PAPSS2: variants seen among roughly 807,000 people sequenced by gnomAD.
PAPSS2 encodes 3'-phosphoadenosine 5'-phosphosulfate synthase 2.
In PAPSS2, 61 loss-of-function variants were observed where a neutral mutation model predicts 66.5. That is an observed-to-expected ratio of 0.92 (90% confidence interval 0.75 to 1.14). The LOEUF (loss-of-function observed/expected upper bound fraction) is 1.14. Ranked by LOEUF, PAPSS2 falls within the 50% of genes most tolerant of loss-of-function variation. The pLI, the probability that PAPSS2 is intolerant of heterozygous loss-of-function variation, is 0.00. For missense variants in PAPSS2, 708 were observed against 789.6 expected, an observed-to-expected ratio of 0.90 and a Z score of 1.24; for synonymous variants, 289 against 287.5, an observed-to-expected ratio of 1.01 and a Z score of -0.05.
At chr10:87,725,385 C>A (rs1853646079) in intron 8 of PAPSS2, among the ~76,000 whole-genome samples, 1 of 152,156 alleles carries the variant, frequency 6.6e-6, no homozygotes, top group Non-Finnish European at 1.5e-5. Flanking sequence ...GAAATCAGAA[C>A]ACCCTGTTTA....
At chr10:87,660,058 C>G in intron 1 of PAPSS2, 50 bp downstream of exon 1, 1 of 1,579,692 alleles carries the variant, frequency 6.3e-7, no homozygotes, top group Non-Finnish European at 8.6e-7. Context: ...CTGCACGCGC[C>G]GACCCCCAAC....
chr10:87,675,356 C>T (rs1301538583), intron 1 of PAPSS2, among the ~76,000 whole-genome samples: 11 of 152,096 alleles, frequency 7.2e-5, no homozygotes, highest in African/African-American at 2.4e-5. Context: ...TAAAAAGATT[C>T]GCATATTTGA....
At chr10:87,734,673 A>G (rs1378173803) in intron 9 of PAPSS2, among the ~76,000 whole-genome samples, 18 of 108,562 alleles carry the variant, frequency 1.7e-4, no homozygotes, top group African/African-American at 3.7e-4. Context: ...GTATATATAT[A>G]TATATATATA....
rs1310855417 is a variant in PAPSS2, at chr10:87,709,285, G to T, written c.117G>T (p.Gly39=). The T allele has an allele frequency of 1.2e-6, 2 of 1,611,390 alleles. No homozygotes were observed. The highest frequency in any genetic ancestry group is 2.7e-5 in the African/African-American group (2 of 74,774). Residue 39 remains glycine, a synonymous_variant, in exon 2 of 13, where the codon GGG becomes GGT. Transcript: ENST00000456849. ...KRGQVVGTRG[G]FRGCTVWLTG... The stretch of plus-strand genomic sequence containing the variant: ...GGCAAGTGGTTGGAACAAGGGGTGG[G>T]TTCCGAGGATGTACCGTGTGGCTAA...
At chr10:87,744,956 G>T in intron 11 of PAPSS2, 46 bp from the exon 12 acceptor site, 6 of 1,537,700 alleles carry the variant, frequency 3.9e-6, no homozygotes, top group Non-Finnish European at 5.4e-6. Flanking sequence ...ATGACCTACA[G>T]ATTTGACCCA....
At chr10:87,741,043 G>A (rs1368281689) in intron 9 of PAPSS2, among the ~76,000 whole-genome samples, 192 bp from the exon 10 acceptor site, 1 of 152,098 alleles carries the variant, frequency 6.6e-6, no homozygotes, top group East Asian at 1.9e-4. Context: ...ATGGTGGGGG[G>A]TACTCAATAA....
intron 1 of PAPSS2, among the ~76,000 whole-genome samples, chr10:87,689,716 A>G (rs1853146042): frequency 1.3e-5 from 2 of 151,684 alleles, no homozygotes; most frequent in African/African-American, 2.4e-5. Context: ...ATTACATAAT[A>G]TCTTCAGGGC....
At chr10:87,720,344 G>A (rs1050067034) in intron 7 of PAPSS2, among the ~76,000 whole-genome samples, 3 of 152,196 alleles carry the variant, frequency 2.0e-5, no homozygotes, top group African/African-American at 7.2e-5. Context: ...TCAGGAGGAA[G>A]CCATTTGAAA....
intron 1 of PAPSS2, among the ~76,000 whole-genome samples, chr10:87,685,600 C>T (rs1853078221): frequency 6.6e-6 from 1 of 152,142 alleles, no homozygotes; most frequent in South Asian, 2.1e-4. Flanking sequence ...GGGAGGATCG[C>T]TTGAGCCTGG....
rs1852895374 is a variant in PAPSS2, at chr10:87,672,810, A to G, written c.27+12802A>G. Among the ~76,000 whole-genome samples, 4 of 152,224 alleles carry G rather than the reference A, an allele frequency of 2.6e-5. No individual in the cohort carries two copies. The South Asian group carries it at 8.3e-4, about 32-fold the overall frequency. On this transcript the variant is annotated intron_variant, in intron 1 of 12. Coordinates refer to ENST00000456849, the MANE Select transcript of PAPSS2 (RefSeq NM_001015880.2). ...CACCTGCCTGTTTTGGTAGGCCTAT[A>G]AGCTAGGAATGGTTTTTACATTTTT... is the stretch of plus-strand genomic sequence containing the variant.
At chr10:87,734,226 C>G (rs981851036) in intron 9 of PAPSS2, among the ~76,000 whole-genome samples, 4 of 152,172 alleles carry the variant, frequency 2.6e-5, no homozygotes, top group African/African-American at 9.6e-5. Flanking sequence ...CATGCGCTCT[C>G]TGACTTTTGC....
At chr10:87,701,121 G>A (rs1853298163) in intron 1 of PAPSS2, among the ~76,000 whole-genome samples, 2 of 151,230 alleles carry the variant, frequency 1.3e-5, no homozygotes, top group Admixed American at 1.3e-4. Context: ...CATACCAAAA[G>A]GGGAGCAAGT....
At chr10:87,714,957 AGTTTT>A in intron 5 of PAPSS2, 23 bp from the exon 6 acceptor site, 1 of 1,486,508 alleles carries the variant, frequency 6.7e-7, no homozygotes, top group Non-Finnish European at 9.4e-7. Flanking sequence ...ACAGTTTTCA[AGTTTT>A]TACCAATGCT....
At chr10:87,728,576 C>G (rs2131721432) in intron 9 of PAPSS2, among the ~76,000 whole-genome samples, 1 of 152,306 alleles carries the variant, frequency 6.6e-6, no homozygotes, top group African/African-American at 2.4e-5. Flanking sequence ...CCCGTCTCTA[C>G]TAAAAATACA....
At chr10:87,728,608 C>T (rs1463069152) in intron 9 of PAPSS2, among the ~76,000 whole-genome samples, 1 of 152,080 alleles carries the variant, frequency 6.6e-6, no homozygotes, top group African/African-American at 2.4e-5. Context: ...GACATGGTGG[C>T]GGGCACCTGT....
chr10:87,720,317 G>A (rs1853578878), intron 7 of PAPSS2, among the ~76,000 whole-genome samples: 1 of 152,330 alleles, frequency 6.6e-6, no homozygotes, highest in South Asian at 2.1e-4. Flanking sequence ...TTCACCTGGA[G>A]AGCAGCCTGG....
chr10:87,706,200 C>A (rs1192559386), intron 1 of PAPSS2, among the ~76,000 whole-genome samples: 2 of 147,182 alleles, frequency 1.4e-5, no homozygotes, highest in African/African-American at 2.5e-5. Flanking sequence ...TTTTGTCTGT[C>A]TTTCTCCCCA....
intron 4 of PAPSS2, among the ~76,000 whole-genome samples, 162 bp downstream of exon 4, chr10:87,714,344 G>A (rs979146663): frequency 2.0e-5 from 3 of 152,120 alleles, no homozygotes; most frequent in Non-Finnish European, 4.4e-5. Flanking sequence ...TATGCCCAGA[G>A]GCTTATTAAA....
At chr10:87,681,845 G>A (rs1240572860) in intron 1 of PAPSS2, among the ~76,000 whole-genome samples, 1 of 152,180 alleles carries the variant, frequency 6.6e-6, no homozygotes, top group Non-Finnish European at 1.5e-5. Flanking sequence ...AATGTTTTAA[G>A]ATTCATTCAT....
Sources: gnomAD v4.1 joint callset for allele counts (sites outside exome capture counted in the v4.1 genomes callset) on GRCh38, gnomAD v4.1.1 for gene constraint, MANE v1.5 for transcripts, NCBI Gene and HGNC (gene_info 2026-07-23, HGNC 2026-07-21) for gene names.